ST8SIA1: variants seen among roughly 807,000 people sequenced by gnomAD.
ST8SIA1 encodes the protein alpha-N-acetylneuraminide alpha-2,8-sialyltransferase.
Under a neutral mutation model 35.9 loss-of-function variants are expected in ST8SIA1, and 16 were observed. The ratio of observed to expected loss-of-function variants is 0.45; its 90% confidence interval spans 0.30 to 0.68. The LOEUF (loss-of-function observed/expected upper bound fraction) is 0.68. Ranked by LOEUF, ST8SIA1 falls within the 30% of genes least tolerant of loss-of-function variation. ST8SIA1 has a pLI of 0.09. For synonymous variants in ST8SIA1, 170 were observed against 169.6 expected (o/e 1.00, Z -0.02); for missense variants, 383 against 453.6 (o/e 0.84, Z 1.41).
intron 4 of ST8SIA1, among the ~76,000 whole-genome samples, chr12:22,208,315 A>G (rs1865137996): frequency 6.6e-6 from 1 of 152,088 alleles, no homozygotes; most frequent in Non-Finnish European, 1.5e-5. Context: ...ATCTGTCAAT[A>G]TTTGAAGATG....
Position 22,234,259 on chromosome 12 carries a change from C to CAA in ST8SIA1, c.584+14745_584+14746dup, listed in dbSNP as rs34820200. Among the ~76,000 whole-genome samples, 721 of 139,002 alleles carry CAA rather than the reference C, an allele frequency of 5.2e-3. 6 individuals are homozygous for CAA. The highest frequency in any genetic ancestry group is 0.016 in the African/African-American group (587 of 37,164). The allele number at this position is 139,002 out of a possible 152,430, so 91.2% of individuals were successfully genotyped here. On this transcript the variant is annotated intron_variant, in intron 4 of 4. Coordinates refer to ENST00000396037, the MANE Select transcript of ST8SIA1 (RefSeq NM_003034.4). ...TGAGTGACAGATCAAAACTCTGTCT[C>CAA]AAAAAAAAAAAAAGATATTATTTAC...
chr12:22,287,662 C>T (rs898958146), intron 1 of ST8SIA1, among the ~76,000 whole-genome samples: 1 of 152,130 alleles, frequency 6.6e-6, no homozygotes, highest in African/African-American at 2.4e-5. Flanking sequence ...GACTGTTGAG[C>T]TATTCAGCTA....
chr12:22,223,484 G>A, intron 4 of ST8SIA1: 1 of 994,022 alleles, frequency 1.0e-6, no homozygotes, highest in Non-Finnish European at 1.2e-6. Context: ...CGGGATTCCA[G>A]CTGTGATGCT....
intron 1 of ST8SIA1, among the ~76,000 whole-genome samples, chr12:22,313,599 A>G (rs940886830): frequency 6.6e-6 from 1 of 152,176 alleles, no homozygotes; most frequent in African/African-American, 2.4e-5. Flanking sequence ...TAAGCTGGAT[A>G]CCCTCGATGT....
chr12:22,254,224 A>C (rs1314023058), intron 3 of ST8SIA1, among the ~76,000 whole-genome samples: 1 of 151,930 alleles, frequency 6.6e-6, no homozygotes, highest in Non-Finnish European at 1.5e-5. Context: ...TCCATAACAA[A>C]TGTTTTCTTT....
chr12:22,228,958 G>A (rs1214409379), intron 4 of ST8SIA1, among the ~76,000 whole-genome samples: 1 of 150,906 alleles, frequency 6.6e-6, no homozygotes, highest in African/African-American at 2.4e-5. Context: ...GGAGGATGAG[G>A]CAGGAGAATC....
intron 4 of ST8SIA1, among the ~76,000 whole-genome samples, chr12:22,208,573 A>G (rs1865141939): frequency 6.6e-6 from 1 of 152,192 alleles, no homozygotes; most frequent in Admixed American, 6.5e-5. Flanking sequence ...TTGTAGGTTC[A>G]AATGCAATCT....
chr12:22,239,494 A>G (rs1389679645), intron 4 of ST8SIA1, among the ~76,000 whole-genome samples: 1 of 152,080 alleles, frequency 6.6e-6, no homozygotes, highest in Non-Finnish European at 1.5e-5. Context: ...TCATTTCTAA[A>G]AGTTCAATTT....
At chr12:22,225,576 A>G (rs1304776164) in intron 4 of ST8SIA1, among the ~76,000 whole-genome samples, 1 of 152,226 alleles carries the variant, frequency 6.6e-6, no homozygotes, top group Non-Finnish European at 1.5e-5. Flanking sequence ...TATGTTAAAG[A>G]AAAATGAAAC....
chr12:22,284,777 C>A (rs1021940588), intron 2 of ST8SIA1, among the ~76,000 whole-genome samples: 28 of 152,218 alleles, frequency 1.8e-4, no homozygotes, highest in Admixed American at 1.8e-3. Flanking sequence ...AATTCATTTG[C>A]ACAGACTTTA....
At chr12:22,238,725 T>A (rs1477341369) in intron 4 of ST8SIA1, among the ~76,000 whole-genome samples, 2 of 152,210 alleles carry the variant, frequency 1.3e-5, no homozygotes, top group African/African-American at 4.8e-5. Flanking sequence ...TTAGTTGTCT[T>A]TCGTTTTGAT....
At chr12:22,245,403 T>C (rs2120739324) in intron 4 of ST8SIA1, among the ~76,000 whole-genome samples, 1 of 152,390 alleles carries the variant, frequency 6.6e-6, no homozygotes, top group East Asian at 1.9e-4. Context: ...TTTTTTCTTA[T>C]GTCACAAAAT....
Position 22,220,701 on chromosome 12 carries a change from C to T in ST8SIA1, c.585-18663G>A, listed in dbSNP as rs540848969. Among the ~76,000 whole-genome samples the T allele has an allele frequency of 3.7e-4, 57 of 152,296 alleles. 1 individual carries two copies. Among genetic ancestry groups the T allele is most frequent in the Admixed American group, 1.2e-3 (18 of 15,296 alleles). ...GGGCAAATATTTCATTCATTTAAAA[C>T]GCAAAACTCCTTCAGAGCTAATTTT... On this transcript the variant is annotated intron_variant, in intron 4 of 4. Transcript: ENST00000396037.
At chr12:22,252,803 A>G (rs1865688790) in intron 3 of ST8SIA1, among the ~76,000 whole-genome samples, 2 of 152,254 alleles carry the variant, frequency 1.3e-5, no homozygotes, top group South Asian at 4.1e-4. Context: ...AGTCTTCTAC[A>G]CATTAGTAAA....
rs117247843 is a variant in ST8SIA1 at position 22,323,266 on chromosome 12, A to G, written c.236+10731T>C. ...TAAGGGAAATTTTATAATTTAATCT[A>G]ACAATCATAGTATATCTATTTATGC... On this transcript the variant is annotated intron_variant, in intron 1 of 4. Transcript: ENST00000396037. Among the ~76,000 whole-genome samples the G allele has an allele frequency of 3.3e-5, 5 of 152,352 alleles. No individual in the cohort carries two copies. The East Asian group carries it at 9.6e-4, about 29-fold the overall frequency.
At position 22,287,157 on chromosome 12, in the gene ST8SIA1, A is replaced by T; in HGVS notation, c.373T>A (p.Phe125Ile). 6.2e-7 allele frequency: 1 copy of T among 1,613,930 alleles called. No homozygotes were observed. The highest frequency in any genetic ancestry group is 8.5e-7 in the Non-Finnish European group (1 of 1,179,864). Reference sequence around the variant, plus strand: ...ACCAACTCTATACTAACCTGTGGGAAGAGAGAGTAAGTTGAATTGTCAATG... The same window carrying T: ...ACCAACTCTATACTAACCTGTGGGATGAGAGAGTAAGTTGAATTGTCAATG... Reference protein sequence around the residue: ...FTIDNSTYSLFPQATPFQLPL... With the variant: ...FTIDNSTYSLIPQATPFQLPL... Residue 125 changes from phenylalanine (F) to isoleucine (I), a missense_variant, in exon 2 of 5, where the codon TTC becomes ATC. By Grantham distance (21) the Phe-to-Ile change is conservative (BLOSUM62 0). Coordinates refer to ENST00000396037, the MANE Select transcript of ST8SIA1 (RefSeq NM_003034.4).
At chr12:22,329,002 AG>A (rs1169454642) in intron 1 of ST8SIA1, among the ~76,000 whole-genome samples, 1 of 152,218 alleles carries the variant, frequency 6.6e-6, no homozygotes, top group Non-Finnish European at 1.5e-5. Context: ...GGTAAAAGGC[AG>A]GAAGATGTGG....
chr12:22,296,877 A>G (rs911417544), intron 1 of ST8SIA1, among the ~76,000 whole-genome samples: 12 of 152,068 alleles, frequency 7.9e-5, no homozygotes, highest in African/African-American at 2.7e-4. Context: ...ACCAGTCACC[A>G]CATGAACACC....
chr12:22,204,217 T>C (rs1367358172), intron 4 of ST8SIA1, among the ~76,000 whole-genome samples: 1 of 152,144 alleles, frequency 6.6e-6, no homozygotes, highest in Non-Finnish European at 1.5e-5. Flanking sequence ...AACTGAATTA[T>C]TTCCTCTGTC....
Sources: allele counts gnomAD v4.1 joint callset (sites outside exome capture counted in the v4.1 genomes callset), GRCh38; gene constraint gnomAD v4.1.1; transcripts MANE v1.5; gene names NCBI Gene and HGNC (gene_info 2026-07-23, HGNC 2026-07-21).